CDC42SE2: variants seen among roughly 807,000 people sequenced by gnomAD.
CDC42SE2 encodes the protein CDC42 small effector protein 2.
In CDC42SE2, 3 loss-of-function variants were observed where a neutral mutation model predicts 11.5. The observed-to-expected ratio is 0.26, with a 90% CI of 0.12 to 0.67. The LOEUF is 0.67. CDC42SE2 is among the 30% of genes least tolerant of loss of function. The pLI, the probability that CDC42SE2 is intolerant of heterozygous loss-of-function variation, is 0.80. For missense variants in CDC42SE2, 82 were observed against 106.8 expected (o/e 0.77, Z 1.02); for synonymous variants, 33 against 34.8 (o/e 0.95, Z 0.18).
chr5:131,319,974 C>G (rs573647693), intron 2 of CDC42SE2, among the ~76,000 whole-genome samples: 1 of 148,270 alleles, frequency 6.7e-6, no homozygotes, highest in African/African-American at 2.5e-5. Context: ...TGGCGTGAAC[C>G]CGGGAGGCAG....
the CDC42SE2 span, among the ~76,000 whole-genome samples, chr5:131,235,786 G>A: frequency 6.6e-6 from 1 of 151,832 alleles, no homozygotes; most frequent in Non-Finnish European, 1.5e-5. Context: ...GTAGAAATGG[G>A]GTTTCACTAT....
intron 1 of CDC42SE2, among the ~76,000 whole-genome samples, chr5:131,254,722 G>A (rs559812348): frequency 2.8e-4 from 42 of 152,156 alleles, no homozygotes; most frequent in African/African-American, 1.0e-3. Context: ...CAAAAGTCTA[G>A]TCCAATGTTT....
intron 4 of CDC42SE2, among the ~76,000 whole-genome samples, chr5:131,387,746 T>C (rs2149790230): frequency 1.3e-5 from 2 of 152,326 alleles, no homozygotes; most frequent in Middle Eastern, 6.8e-3. Flanking sequence ...ACCTGCCTCT[T>C]AATCTTAGAT....
chr5:131,320,393 A>G (rs1248733764), intron 2 of CDC42SE2, among the ~76,000 whole-genome samples: 1 of 151,044 alleles, frequency 6.6e-6, no homozygotes. Context: ...CTCTGTCTCA[A>G]AAAATAAGTA....
chr5:131,336,969 T>A (rs974610768), intron 2 of CDC42SE2, among the ~76,000 whole-genome samples: 33 of 152,308 alleles, frequency 2.2e-4, no homozygotes, highest in Non-Finnish European at 3.5e-4. Flanking sequence ...CTCTGTCAGC[T>A]CGTCAGTCAT....
chr5:131,344,205 C>T (rs902364477), intron 2 of CDC42SE2, among the ~76,000 whole-genome samples: 6 of 152,258 alleles, frequency 3.9e-5, no homozygotes, highest in South Asian at 2.1e-4. Context: ...GGCGGGGCAT[C>T]GCCTCACCTG....
At chr5:131,316,940 A>G (rs1580750252) in intron 2 of CDC42SE2, among the ~76,000 whole-genome samples, 2 of 152,182 alleles carry the variant, frequency 1.3e-5, no homozygotes, top group African/African-American at 2.4e-5. Context: ...CTACTTGATC[A>G]TGTTCTTTGT....
chr5:131,250,615 G>A (rs1756631895), intron 1 of CDC42SE2, among the ~76,000 whole-genome samples: 1 of 152,100 alleles, frequency 6.6e-6, no homozygotes, highest in Non-Finnish European at 1.5e-5. Context: ...TGAATAGGTG[G>A]AGCATAGGAG....
chr5:131,344,429 C>T (rs1176168509), intron 2 of CDC42SE2, among the ~76,000 whole-genome samples: 2 of 152,198 alleles, frequency 1.3e-5, no homozygotes, highest in Non-Finnish European at 2.9e-5. Context: ...GATCGAACTG[C>T]AAGGTGGCAG....
At chr5:131,232,404 C>T in the CDC42SE2 span, among the ~76,000 whole-genome samples, 2 of 152,058 alleles carry the variant, frequency 1.3e-5, no homozygotes, top group African/African-American at 4.8e-5. Flanking sequence ...TTTGAACCAC[C>T]ACACCCTGCC....
chr5:131,366,079 C>T (rs1309315380), intron 3 of CDC42SE2, among the ~76,000 whole-genome samples: 1 of 152,192 alleles, frequency 6.6e-6, no homozygotes, highest in Admixed American at 6.5e-5. Flanking sequence ...TTTAACTGTA[C>T]TACTAAACCT....
intron 2 of CDC42SE2, among the ~76,000 whole-genome samples, chr5:131,322,904 A>G (rs1043170490): frequency 6.6e-6 from 1 of 152,214 alleles, no homozygotes; most frequent in African/African-American, 2.4e-5. Flanking sequence ...GGTATCACCA[A>G]CAGTGCACAA....
chr5:131,358,001 C>T (rs1749601256), intron 2 of CDC42SE2, among the ~76,000 whole-genome samples: 1 of 152,194 alleles, frequency 6.6e-6, no homozygotes, highest in Non-Finnish European at 1.5e-5. Context: ...GGATTTTCCT[C>T]TTCTAATTCT....
rs56827777 is a variant in CDC42SE2 at position 131,351,152 on chromosome 5, G to T, written c.-285-8057G>T. Among the ~76,000 whole-genome samples the T allele has an allele frequency of 2.3e-3, 356 of 152,076 alleles. 1 individual carries two copies. Among genetic ancestry groups the T allele is most frequent in the African/African-American group, 8.0e-3 (331 of 41,482 alleles). On this transcript the variant is annotated intron_variant, in intron 2 of 4. Coordinates refer to ENST00000505065, the MANE Select transcript of CDC42SE2 (RefSeq NM_001375635.1). The stretch of plus-strand genomic sequence containing the variant: ...TGTAGAGACGGGACTTTGCTGCCCA[G>T]TTGCCCAGGCTGGTCTTGAACTCCT...
chr5:131,241,356 T>C (rs2149680698), upstream of CDC42SE2, among the ~76,000 whole-genome samples: 1 of 152,318 alleles, frequency 6.6e-6, no homozygotes, highest in Admixed American at 6.5e-5. Flanking sequence ...ACACTGAACC[T>C]ATCCGGGCAT....
chr5:131,346,367 A>G (rs1206683410), intron 2 of CDC42SE2, among the ~76,000 whole-genome samples: 2 of 152,224 alleles, frequency 1.3e-5, no homozygotes, highest in Middle Eastern at 3.2e-3. Flanking sequence ...TCTCTGATAA[A>G]ACAGACTTTA....
rs560894079 is a variant in CDC42SE2 at position 131,391,836 on chromosome 5, G to T, written c.*745G>T. On this transcript the variant is annotated 3_prime_UTR_variant, in exon 5 of 5. Coordinates refer to ENST00000505065, the MANE Select transcript of CDC42SE2 (RefSeq NM_001375635.1). ...TTTTTTTTTGTTTTATAGGGTTATT[G>T]TGAATTTCTATATTTTCTCTGTCCA... 8.5e-5 allele frequency: 13 copies of T among 152,306 alleles called. No homozygotes were observed. The South Asian group carries it at 2.5e-3, about 29-fold the overall frequency. 9.4% of individuals were successfully genotyped at this position (152,306 alleles called of 1,614,324 possible). A position where few individuals can be genotyped will look rare whatever the true frequency, so the allele number is the denominator to read the frequency against.
intron 2 of CDC42SE2, chr5:131,255,308 G>A (rs1434544418): frequency 6.6e-6 from 1 of 151,942 alleles, no homozygotes; most frequent in Non-Finnish European, 1.5e-5. Flanking sequence ...TATATTAATT[G>A]CATGTTGAAA....
intron 2 of CDC42SE2, among the ~76,000 whole-genome samples, chr5:131,347,284 C>A (rs1045560894): frequency 3.6e-4 from 55 of 152,068 alleles, no homozygotes; most frequent in African/African-American, 1.3e-3. Flanking sequence ...AGAGAAGAAT[C>A]AAATAGATGC....
Sources: allele counts gnomAD v4.1 joint callset (sites outside exome capture counted in the v4.1 genomes callset), GRCh38; gene constraint gnomAD v4.1.1; transcripts MANE v1.5; gene names NCBI Gene and HGNC (gene_info 2026-07-23, HGNC 2026-07-21).